The following ZNF609 variants were observed in gnomAD, a reference collection of about 807,000 sequenced individuals.
The protein encoded by ZNF609 is zinc finger protein 609.
ZNF609 carries 11 observed loss-of-function variants against 109.5 expected under a neutral mutation model. That is an observed-to-expected ratio of 0.10 (90% CI 0.06 to 0.17). ZNF609 has a LOEUF of 0.17. ZNF609 is among the 10% of genes least tolerant of loss of function. The pLI, the probability that ZNF609 is intolerant of heterozygous loss-of-function variation, is 1.00. For missense variants in ZNF609, 1,559 were observed against 1,772.4 expected (o/e 0.88, Z 2.16); for synonymous variants, 646 against 662.0 (o/e 0.98, Z 0.37).
intron 2 of ZNF609, among the ~76,000 whole-genome samples, chr15:64,611,198 G>A (rs1325266578): frequency 6.6e-6 from 1 of 152,128 alleles, no homozygotes; most frequent in Non-Finnish European, 1.5e-5. Context: ...TAACCATACA[G>A]GAATAGGAGG....
chr15:64,503,464 G>A (rs1284892087), intron 2 of ZNF609, among the ~76,000 whole-genome samples: 1 of 152,148 alleles, frequency 6.6e-6, no homozygotes, highest in East Asian at 1.9e-4. Flanking sequence ...GAGGGCAGGC[G>A]CCTGTCTGAG....
At chr15:64,563,405 C>G (rs920650868) in intron 2 of ZNF609, among the ~76,000 whole-genome samples, 1 of 150,874 alleles carries the variant, frequency 6.6e-6, no homozygotes, top group Admixed American at 6.6e-5. Context: ...GAGCCATGAT[C>G]GCATCACTGC....
chr15:64,675,866 G>A lies in ZNF609; in HGVS notation c.3012G>A (p.Gln1004=), dbSNP rs757053944. ...GCACTAACACGGCTTACCGGCAGCAGTACGAAGAACAGCAGAAACGCCAGA... is the reference window on the plus strand; with the variant it reads ...GCACTAACACGGCTTACCGGCAGCAATACGAAGAACAGCAGAAACGCCAGA... The part of the protein sequence containing the change: ...LLSTNTAYRQ[Q]YEEQQKRQSL... Residue 1004 remains glutamine, a synonymous_variant, in exon 5 of 10, where the codon CAG becomes CAA. Coordinates refer to ENST00000326648, the MANE Select transcript of ZNF609 (RefSeq NM_015042.2). The A allele has an allele frequency of 3.1e-6, 5 of 1,614,202 alleles. No homozygotes were observed. In the Admixed American group the frequency reaches 8.3e-5, roughly 27 times the overall value.
At chr15:64,520,922 G>A (rs1489060284) in intron 2 of ZNF609, among the ~76,000 whole-genome samples, 4 of 152,166 alleles carry the variant, frequency 2.6e-5, no homozygotes. Flanking sequence ...CAAAGGAGAG[G>A]CTCACCTGAT....
At chr15:64,510,349 C>A (rs1397012662) in intron 2 of ZNF609, among the ~76,000 whole-genome samples, 1 of 151,754 alleles carries the variant, frequency 6.6e-6, no homozygotes, top group Non-Finnish European at 1.5e-5. Context: ...GGACTGCAGG[C>A]ATATATCACC....
chr15:64,599,384 A>G (rs1157876399), intron 2 of ZNF609, among the ~76,000 whole-genome samples: 1 of 152,034 alleles, frequency 6.6e-6, no homozygotes, highest in Non-Finnish European at 1.5e-5. Flanking sequence ...TCATAGCTGT[A>G]TTCTCAGTGC....
chr15:64,615,489 T>G (rs1012278569), intron 2 of ZNF609, among the ~76,000 whole-genome samples: 6 of 129,260 alleles, frequency 4.6e-5, no homozygotes, highest in Admixed American at 2.2e-4. Flanking sequence ...GATGACATCC[T>G]TTTTTTTTTT....
At chr15:64,488,214 G>A (rs911669814) in intron 1 of ZNF609, among the ~76,000 whole-genome samples, 3 of 152,128 alleles carry the variant, frequency 2.0e-5, no homozygotes, top group Admixed American at 1.3e-4. Context: ...TCCACACTCT[G>A]ATCTAGTAGA....
intron 3 of ZNF609, among the ~76,000 whole-genome samples, chr15:64,642,831 T>C (rs1352150949): frequency 1.3e-5 from 2 of 152,154 alleles, no homozygotes; most frequent in African/African-American, 2.4e-5. Context: ...TCATTTTCTG[T>C]AAATCTAAAA....
intron 2 of ZNF609, among the ~76,000 whole-genome samples, chr15:64,614,188 T>C (rs1895762316): frequency 6.6e-6 from 1 of 151,874 alleles, no homozygotes; most frequent in South Asian, 2.1e-4. Context: ...CCCAAAGTGC[T>C]GGGATTACAG....
At chr15:64,535,103 C>G (rs1894119407) in intron 2 of ZNF609, among the ~76,000 whole-genome samples, 1 of 152,058 alleles carries the variant, frequency 6.6e-6, no homozygotes, top group Non-Finnish European at 1.5e-5. Flanking sequence ...GTCACCCAGG[C>G]TTGAGTGCAG....
chr15:64,535,617 T>C lies in ZNF609; in HGVS notation c.747+35451T>C, dbSNP rs151277458. ...ACAGTTTTTTGTGTGTGTGTGAACA[T>C]AAGTTTTCATTTCTCTGGGACAAGT... On this transcript the variant is annotated intron_variant, in intron 2 of 9. Coordinates refer to ENST00000326648, the MANE Select transcript of ZNF609 (RefSeq NM_015042.2). Among the ~76,000 whole-genome samples the C allele has an allele frequency of 4.3e-4, 65 of 152,294 alleles. 1 individual carries two copies. The East Asian group carries it at 0.01, about 24-fold the overall frequency.
At chr15:64,621,766 TC>T (rs1411470037) in intron 2 of ZNF609, among the ~76,000 whole-genome samples, 1 of 63,164 alleles carries the variant, frequency 1.6e-5, no homozygotes, top group East Asian at 8.2e-4. Flanking sequence ...ATTGCTTCTT[TC>T]TTTTTTTTTT....
intron 2 of ZNF609, among the ~76,000 whole-genome samples, chr15:64,576,885 CATATAAATATATACATAT>C (rs1348821535): frequency 1.5e-5 from 2 of 133,216 alleles, no homozygotes; most frequent in African/African-American, 5.6e-5. Flanking sequence ...TATATATACA[CATATAAATATATACATAT>C]ATATGTATAT....
chr15:64,618,254 C>T (rs1325131354), intron 2 of ZNF609, among the ~76,000 whole-genome samples: 1 of 152,126 alleles, frequency 6.6e-6, no homozygotes, highest in Non-Finnish European at 1.5e-5. Flanking sequence ...GAAAAGTTCC[C>T]TTGTCCCCCT....
intron 2 of ZNF609, among the ~76,000 whole-genome samples, chr15:64,536,587 C>T (rs576190629): frequency 6.6e-6 from 1 of 152,084 alleles, no homozygotes; most frequent in African/African-American, 2.4e-5. Context: ...TAATGAAATA[C>T]TAGAACTGGC....
intron 1 of ZNF609, among the ~76,000 whole-genome samples, chr15:64,476,661 A>G (rs993515513): frequency 6.6e-6 from 1 of 152,190 alleles, no homozygotes; most frequent in Non-Finnish European, 1.5e-5. Flanking sequence ...TCTTGCTGGC[A>G]TCACTGGAAG....
chr15:64,623,099 C>T (rs757388657), intron 3 of ZNF609, 47 bp downstream of exon 3: 7 of 1,569,192 alleles, frequency 4.5e-6, no homozygotes, highest in Non-Finnish European at 6.1e-6. Flanking sequence ...CCTGCTTCTG[C>T]AGGGGAGCCA....
intron 2 of ZNF609, among the ~76,000 whole-genome samples, chr15:64,514,638 A>G (rs991928212): frequency 6.1e-5 from 9 of 148,120 alleles, no homozygotes; most frequent in East Asian, 2.0e-4. Flanking sequence ...TATCTAAACT[A>G]TGCTTTTTTT....
Sources: gnomAD v4.1 joint callset for allele counts (sites outside exome capture counted in the v4.1 genomes callset) on GRCh38, gnomAD v4.1.1 for gene constraint, MANE v1.5 for transcripts, NCBI Gene and HGNC (gene_info 2026-07-23, HGNC 2026-07-21) for gene names.